Variants in EXT1 observed in about 807,000 individuals in gnomAD.
The protein encoded by EXT1 is exostosin-1.
EXT1 carries 20 observed loss-of-function variants against 82.5 expected under a neutral mutation model. The observed-to-expected ratio is 0.24, with a 90% confidence interval of 0.17 to 0.35. The LOEUF (loss-of-function observed/expected upper bound fraction) is 0.35, where lower values mean the gene tolerates loss of function less well. EXT1 is among the 10% of genes least tolerant of loss of function. EXT1 has a pLI of 1.00. For synonymous variants in EXT1, 348 were observed against 350.8 expected (o/e 0.99, Z 0.09); for missense variants, 757 against 936.5 (o/e 0.81, Z 2.50).
At chr8:117,820,709 A>G (rs959327030) in intron 5 of EXT1, among the ~76,000 whole-genome samples, 4 of 152,162 alleles carry the variant, frequency 2.6e-5, no homozygotes, top group Non-Finnish European at 5.9e-5. Flanking sequence ...AAAAAAAAAA[A>G]AAACTTAATG....
At chr8:117,856,315 C>T (rs151147439) in intron 1 of EXT1, among the ~76,000 whole-genome samples, 2,544 of 146,790 alleles carry the variant, frequency 0.017, 69 homozygotes, top group African/African-American at 0.057. Flanking sequence ...AGTGCAGTGG[C>T]GTGATCTCTG....
chr8:118,017,246 C>T (rs924677999), intron 1 of EXT1, among the ~76,000 whole-genome samples: 1 of 152,172 alleles, frequency 6.6e-6, no homozygotes, highest in African/African-American at 2.4e-5. Context: ...ACATTATCCT[C>T]TCTTTTTAGG....
rs550105433 is a variant in EXT1, at chr8:117,950,911, T to A, written c.963-113710A>T. ...ATTGTACTCCATGAAGAAACAAAAA[T>A]TTTTTTTTTAAAAGTTGTAAGTTTC... is the stretch of plus-strand genomic sequence containing the variant. On this transcript the variant is annotated intron_variant, in intron 1 of 10. Coordinates refer to ENST00000378204, the MANE Select transcript of EXT1 (RefSeq NM_000127.3). Among the ~76,000 whole-genome samples the A allele has an allele frequency of 1.5e-3, 227 of 151,318 alleles. 1 individual carries two copies. The highest frequency in any genetic ancestry group is 4.6e-3 in the African/African-American group (191 of 41,212).
intron 1 of EXT1, among the ~76,000 whole-genome samples, chr8:118,081,335 T>C (rs1817324679): frequency 6.6e-6 from 1 of 152,240 alleles, no homozygotes; most frequent in Non-Finnish European, 1.5e-5. Flanking sequence ...TGAATGTCAA[T>C]TCTGCATACT....
At chr8:117,908,127 G>A (rs1195746098) in intron 1 of EXT1, among the ~76,000 whole-genome samples, 1 of 152,158 alleles carries the variant, frequency 6.6e-6, no homozygotes, top group African/African-American at 2.4e-5. Flanking sequence ...ATCCAAAAAT[G>A]AGCATAAATA....
chr8:118,034,641 T>C lies in EXT1; in HGVS notation c.962+75444A>G, dbSNP rs551976782. ...ACAGAGCTTCTGATGACCTACAGCA[T>C]CTTGGAGTGGAGTAGCACACGACAG... On this transcript the variant is annotated intron_variant, in intron 1 of 10. Coordinates refer to ENST00000378204, the MANE Select transcript of EXT1 (RefSeq NM_000127.3). Among the ~76,000 whole-genome samples, 12 of 152,164 alleles carry C rather than the reference T, an allele frequency of 7.9e-5. No homozygotes were observed. In the South Asian group the frequency reaches 2.1e-3, roughly 26 times the overall value.
At position 118,110,996 on chromosome 8, in the gene EXT1, G is replaced by C. The variant is rs781339087; in HGVS notation, c.51C>G (p.Leu17=). The C allele has an allele frequency of 6.2e-7, 1 of 1,607,328 alleles. No homozygotes were observed. The highest frequency in any genetic ancestry group is 2.2e-5 in the East Asian group (1 of 44,882). The change falls in exon 1 of 11, where the codon CTC becomes CTG. Residue 17 remains leucine (L), a synonymous_variant. Transcript: ENST00000378204. The part of the protein sequence containing the change: ...YFILLSAGSC[L]ALLFYFGGLQ... ...AGCCTCCGAAATAAAACAAAAGGGC[G>C]AGACAAGAGCCAGCTGAGAGCAGGA... is the stretch of plus-strand genomic sequence containing the variant.
At chr8:118,076,829 C>T (rs1001132298) in intron 1 of EXT1, among the ~76,000 whole-genome samples, 6 of 152,052 alleles carry the variant, frequency 3.9e-5, no homozygotes, top group Admixed American at 3.3e-4. Flanking sequence ...AGTAATTTTT[C>T]TTTGATTTCA....
At chr8:118,016,780 C>G (rs944853365) in intron 1 of EXT1, among the ~76,000 whole-genome samples, 1 of 152,190 alleles carries the variant, frequency 6.6e-6, no homozygotes, top group Non-Finnish European at 1.5e-5. Flanking sequence ...TGAATGGAAA[C>G]GTGTTCCCAA....
At chr8:118,004,024 T>C (rs1815726453) in intron 1 of EXT1, among the ~76,000 whole-genome samples, 1 of 152,102 alleles carries the variant, frequency 6.6e-6, no homozygotes, top group Non-Finnish European at 1.5e-5. Flanking sequence ...TTTGAAGAGA[T>C]TCTGTGAAGC....
intron 1 of EXT1, among the ~76,000 whole-genome samples, chr8:118,012,701 T>C (rs2129838484): frequency 6.6e-6 from 1 of 152,208 alleles, no homozygotes; most frequent in East Asian, 1.9e-4. Flanking sequence ...AATAACTACC[T>C]CTCAGGGCAG....
At chr8:117,815,975 C>A (rs890414433) in intron 7 of EXT1, among the ~76,000 whole-genome samples, 3 of 149,704 alleles carry the variant, frequency 2.0e-5, no homozygotes, top group Admixed American at 6.7e-5. Context: ...TAGGAAATGA[C>A]CAAGACTCAA....
intron 1 of EXT1, among the ~76,000 whole-genome samples, chr8:118,085,268 G>A (rs1819568928): frequency 6.6e-6 from 1 of 152,180 alleles, no homozygotes; most frequent in African/African-American, 2.4e-5. Flanking sequence ...GGGAACAATG[G>A]GAGGAAGGGT....
intron 1 of EXT1, among the ~76,000 whole-genome samples, chr8:117,881,599 T>C (rs1285004247): frequency 6.6e-6 from 1 of 152,168 alleles, no homozygotes; most frequent in African/African-American, 2.4e-5. Flanking sequence ...CTAAGGCCAA[T>C]TGTAATGCAG....
chr8:118,002,273 T>A (rs574116654), intron 1 of EXT1, among the ~76,000 whole-genome samples: 2 of 148,300 alleles, frequency 1.3e-5, no homozygotes, highest in Non-Finnish European at 3.0e-5. Context: ...AAATGGTTTG[T>A]GGGAGGCTGA....
intron 1 of EXT1, 79 bp from the exon 2 acceptor site, chr8:117,837,280 G>T: frequency 1.7e-6 from 2 of 1,201,352 alleles, no homozygotes; most frequent in Non-Finnish European, 2.5e-6. Flanking sequence ...GGGCGCCCAT[G>T]TGCATGAATT....
At chr8:117,860,489 GC>G (rs1400894733) in intron 1 of EXT1, among the ~76,000 whole-genome samples, 2 of 152,256 alleles carry the variant, frequency 1.3e-5, no homozygotes, top group East Asian at 3.9e-4. Flanking sequence ...CTGCACTTGT[GC>G]CCCCTAAATC....
At chr8:117,916,692 C>A (rs1366120967) in intron 1 of EXT1, among the ~76,000 whole-genome samples, 4 of 152,162 alleles carry the variant, frequency 2.6e-5, no homozygotes, top group Non-Finnish European at 5.9e-5. Context: ...GCAGGAGGAT[C>A]ACTTGAGGTG....
At chr8:117,802,074 C>G (rs1823174969) in intron 10 of EXT1, among the ~76,000 whole-genome samples, 1 of 152,116 alleles carries the variant, frequency 6.6e-6, no homozygotes, top group African/African-American at 2.4e-5. Context: ...CTTTACCGGT[C>G]ATACAAACAT....
Sources: allele counts gnomAD v4.1 joint callset (sites outside exome capture counted in the v4.1 genomes callset), GRCh38; gene constraint gnomAD v4.1.1; transcripts MANE v1.5; gene names NCBI Gene and HGNC (gene_info 2026-07-23, HGNC 2026-07-21).